SLC9D1: variants seen among roughly 807,000 people sequenced by gnomAD.
The protein encoded by SLC9D1 is putative LAG1-interacting protein.
the SLC9D1 span, chr13:113,548,320 G>T: frequency 1.9e-5 from 31 of 1,613,956 alleles, no homozygotes; most frequent in Non-Finnish European, 2.4e-5. Flanking sequence ...TGGCGGCGCT[G>T]GTCCTGTCTC....
chr13:113,546,504 G>A, the SLC9D1 span, among the ~76,000 whole-genome samples: 7 of 152,182 alleles, frequency 4.6e-5, no homozygotes, highest in South Asian at 2.1e-4. The surrounding 1 kb of genome is among the most constrained non-coding windows in gnomAD (Gnocchi z 7.1). Flanking sequence ...ACCCCGGGTC[G>A]TGGCAAGAGA....
the SLC9D1 span, chr13:113,496,162 A>G: frequency 3.1e-6 from 2 of 637,200 alleles, no homozygotes; most frequent in South Asian, 4.0e-5. Context: ...GAAGGCGTGA[A>G]TGCTGCTGAT....
chr13:113,544,428 A>C, the SLC9D1 span, among the ~76,000 whole-genome samples: 5 of 152,216 alleles, frequency 3.3e-5, no homozygotes, highest in Non-Finnish European at 7.3e-5. Flanking sequence ...GTTTCGGAGC[A>C]GGTGGTCTTC....
At chr13:113,495,524 C>A in the SLC9D1 span, 1 of 1,271,390 alleles carries the variant, frequency 7.9e-7, no homozygotes, top group East Asian at 2.3e-5. Context: ...GTCTGACATG[C>A]AAGCTCAGTG....
At chr13:113,523,957 G>A in the SLC9D1 span, among the ~76,000 whole-genome samples, 1 of 152,180 alleles carries the variant, frequency 6.6e-6, no homozygotes, top group African/African-American at 2.4e-5. Context: ...TGTAGTTTGA[G>A]TCCACTGTGG....
chr13:113,544,810 A>T, the SLC9D1 span, among the ~76,000 whole-genome samples: 1 of 152,218 alleles, frequency 6.6e-6, no homozygotes, highest in Non-Finnish European at 1.5e-5. Flanking sequence ...CCCTGTCTCC[A>T]GATACAGCCA....
chr13:113,513,056 C>T, the SLC9D1 span, among the ~76,000 whole-genome samples: 2 of 152,144 alleles, frequency 1.3e-5, no homozygotes, highest in African/African-American at 4.8e-5. Flanking sequence ...TAAGTCCACC[C>T]AGGCATGTCA....
chr13:113,496,101 C>T, the SLC9D1 span: 5 of 1,037,106 alleles, frequency 4.8e-6, no homozygotes, highest in Non-Finnish European at 2.8e-6. Flanking sequence ...TGCGTGCCCA[C>T]ATCCTCATCC....
the SLC9D1 span, among the ~76,000 whole-genome samples, chr13:113,533,173 T>C: frequency 0.43 from 47,333 of 110,198 alleles, 10,466 homozygotes; most frequent in African/African-American, 0.66. Flanking sequence ...CTCCTGAAGT[T>C]GCAGACGTGG....
the SLC9D1 span, chr13:113,499,954 G>C: frequency 7.0e-7 from 1 of 1,421,122 alleles, no homozygotes; most frequent in Non-Finnish European, 9.3e-7. Flanking sequence ...TATTATTCTT[G>C]CAGGTCAAGG....
At chr13:113,513,192 TG>T in the SLC9D1 span, among the ~76,000 whole-genome samples, 1 of 151,974 alleles carries the variant, frequency 6.6e-6, no homozygotes, top group Non-Finnish European at 1.5e-5. Context: ...CGTCAGATGG[TG>T]GGAGATAGCG....
the SLC9D1 span, chr13:113,550,054 G>A: frequency 0.16 from 31,232 of 191,194 alleles, 2,956 homozygotes; most frequent in Admixed American, 0.28. Flanking sequence ...AGACAAATAC[G>A]GATGTCTATT....
At chr13:113,509,535 A>G in the SLC9D1 span, among the ~76,000 whole-genome samples, 1 of 152,040 alleles carries the variant, frequency 6.6e-6, no homozygotes, top group Non-Finnish European at 1.5e-5. Flanking sequence ...GTTTAGCCAC[A>G]CAGCCCCTGC....
chr13:113,520,100 A>G, the SLC9D1 span, among the ~76,000 whole-genome samples: 1 of 152,246 alleles, frequency 6.6e-6, no homozygotes, highest in East Asian at 1.9e-4. Flanking sequence ...AAGTCGTGGA[A>G]GTAAAAGGTG....
the SLC9D1 span, among the ~76,000 whole-genome samples, chr13:113,545,382 T>C: frequency 0.45 from 68,345 of 152,110 alleles, 18,111 homozygotes; most frequent in African/African-American, 0.74. Flanking sequence ...AGAGCCCACA[T>C]AGTTTCTCAG....
chr13:113,510,597 C>T, the SLC9D1 span, among the ~76,000 whole-genome samples: 28,192 of 152,186 alleles, frequency 0.19, 3,451 homozygotes, highest in African/African-American at 0.35. Flanking sequence ...AATGGTGTCC[C>T]TGTGAACTCA....
chr13:113,536,527 T>A, the SLC9D1 span: 6 of 979,400 alleles, frequency 6.1e-6, no homozygotes, highest in South Asian at 2.8e-4. Flanking sequence ...CCAGAGTATT[T>A]TTCTCTTTGA....
chr13:113,492,185 A>G, the SLC9D1 span, among the ~76,000 whole-genome samples: 1 of 152,202 alleles, frequency 6.6e-6, no homozygotes, highest in Admixed American at 6.5e-5. Flanking sequence ...TGTGTTGCCC[A>G]GGATGATCTC....
At chr13:113,536,398 A>C in the SLC9D1 span, 79,975 of 208,580 alleles carry the variant, frequency 0.38, 17,566 homozygotes, top group African/African-American at 0.64. Flanking sequence ...TTTCTTATAT[A>C]TAATTGCCTG....
Sources: gnomAD v4.1 joint callset for allele counts (sites outside exome capture counted in the v4.1 genomes callset) on GRCh38, gnomAD v4.1.1 for gene constraint, Gnocchi (gnomAD v3.1) non-coding constraint, MANE v1.5 for transcripts, NCBI Gene and HGNC (gene_info 2026-07-23, HGNC 2026-07-21) for gene names.